Variants in OTOA observed in about 807,000 individuals in gnomAD.
OTOA encodes cancer/testis antigen 108.
OTOA carries 70 observed loss-of-function variants against 110.8 expected under a neutral mutation model. That is an observed-to-expected ratio of 0.63 (90% confidence interval 0.52 to 0.77). The LOEUF (loss-of-function observed/expected upper bound fraction) is 0.77, where lower values mean the gene tolerates loss of function less well. Among genes scored for constraint, OTOA ranks in the 30% least tolerant of loss-of-function variants. The pLI, the probability that OTOA is intolerant of heterozygous loss-of-function variation, is 0.00. For missense variants in OTOA, 917 were observed against 1,075.8 expected (o/e 0.85, Z 2.06); for synonymous variants, 373 against 431.5 (o/e 0.86, Z 1.68).
intron 18 of OTOA, 78 bp from the exon 19 acceptor site, chr16:21,726,445 G>C: frequency 6.4e-7 from 1 of 1,573,876 alleles, no homozygotes; most frequent in Non-Finnish European, 8.7e-7. Context: ...ATGAGCTCTT[G>C]GGCAGGCGGA....
chr16:21,736,345 G>A lies in OTOA; in HGVS notation c.2386G>A (p.Val796Ile), dbSNP rs1381968619. Residue 796 changes from valine (V) to isoleucine (I), a missense_variant, in exon 22 of 29, where the codon GTT becomes ATT. Coordinates refer to ENST00000646100, the MANE Select transcript of OTOA (RefSeq NM_144672.4). Reference protein sequence around the residue: ...KEFLWAVFQSVRNSSDKIPSY... With the variant: ...KEFLWAVFQSIRNSSDKIPSY... ...ATTCCTCTGGGCTGTCTTTCAGTCT[G>A]TTCGGAACAGCAGTGATAAGATCCC... The A allele has an allele frequency of 8.1e-6, 13 of 1,614,042 alleles. No homozygotes were observed. In the Admixed American group the frequency reaches 2.2e-4, roughly 27 times the overall value.
intron 1 of OTOA, among the ~76,000 whole-genome samples, chr16:21,667,957 T>C (rs909798066): frequency 6.6e-6 from 1 of 151,004 alleles, no homozygotes; most frequent in Non-Finnish European, 1.5e-5. Flanking sequence ...ATTTGGTCCG[T>C]GGGTGGTACT....
At chr16:21,667,768 A>T (rs1966843556) in intron 1 of OTOA, among the ~76,000 whole-genome samples, 1 of 152,220 alleles carries the variant, frequency 6.6e-6, no homozygotes, top group South Asian at 2.1e-4. Flanking sequence ...ACAATAGGCC[A>T]ATGAATGGGC....
rs1360934657 is a variant in OTOA, at chr16:21,693,149, A to G, written c.739+1462A>G. 2.0e-5 allele frequency among the ~76,000 whole-genome samples: 3 copies of G among 152,206 alleles called. No homozygotes were observed. In the East Asian group the frequency reaches 5.8e-4, roughly 29 times the overall value. On this transcript the variant is annotated intron_variant, in intron 9 of 28. Coordinates refer to ENST00000646100, the MANE Select transcript of OTOA (RefSeq NM_144672.4). ...TGTGGTGGCGTGCGCCTGTGGTCCC[A>G]GCTACTCAGGAGGCTGAGGTGGGAG...
chr16:21,751,326 G>C (rs1369024654), intron 24 of OTOA, among the ~76,000 whole-genome samples: 5 of 16,204 alleles, frequency 3.1e-4, no homozygotes, highest in Admixed American at 7.2e-4. Flanking sequence ...TCAGGAGTTT[G>C]ATACCAGCCT....
chr16:21,673,955 G>A (rs566885788), intron 1 of OTOA, among the ~76,000 whole-genome samples: 3 of 151,964 alleles, frequency 2.0e-5, no homozygotes, highest in Admixed American at 6.6e-5. Context: ...CCACCACCAC[G>A]CCTAGCTAAT....
chr16:21,701,053 G>A (rs553929804), intron 11 of OTOA, 26 bp downstream of exon 11: 2 of 1,613,996 alleles, frequency 1.2e-6, no homozygotes, highest in East Asian at 2.2e-5. Context: ...CTGGGCCTTG[G>A]AGCCCTTTCC....
intron 1 of OTOA, among the ~76,000 whole-genome samples, chr16:21,671,681 A>G (rs1966849378): frequency 6.6e-6 from 1 of 151,980 alleles, no homozygotes; most frequent in South Asian, 2.1e-4. Context: ...CGTGATTCAG[A>G]ACAGGTGACT....
Position 21,736,334 on chromosome 16 carries a change from T to G in OTOA, c.2375T>G (p.Val792Gly). The G allele has an allele frequency of 6.2e-7, 1 of 1,614,182 alleles. No homozygotes were observed. The highest frequency in any genetic ancestry group is 8.5e-7 in the Non-Finnish European group (1 of 1,180,022). Residue 792 changes from valine to glycine, a missense_variant, in exon 22 of 29, where the codon GTC (valine) becomes GGC (glycine). Val to Gly is a moderately radical substitution (Grantham distance 109). Around this residue, in one of 6 missense-constraint regions of OTOA, gnomAD observed 57 missense variants for 59.7 expected, o/e 0.96. Coordinates refer to ENST00000646100, the MANE Select transcript of OTOA (RefSeq NM_144672.4). ...CCCACTAAAGAATTCCTCTGGGCTGTCTTTCAGTCTGTTCGGAACAGCAGT... is the reference window on the plus strand; with the variant it reads ...CCCACTAAAGAATTCCTCTGGGCTGGCTTTCAGTCTGTTCGGAACAGCAGT... ...TLPTKEFLWA[V>G]FQSVRNSSDK...
Position 21,687,619 on chromosome 16 carries a change from G to A in OTOA, c.606G>A (p.Arg202=). Reference sequence around the variant, plus strand: ...CAGACATCACAGAGCGGCTCCCTCGGGACCTGCGCGAGGATGCCTTTAAGA... The same window carrying A: ...CAGACATCACAGAGCGGCTCCCTCGAGACCTGCGCGAGGATGCCTTTAAGA... ...LQPDITERLP[R]DLREDAFKNL... Residue 202 remains arginine, a synonymous_variant, in exon 8 of 29, where the codon CGG becomes CGA. Transcript: ENST00000646100. The A allele has an allele frequency of 6.2e-7, 1 of 1,613,640 alleles. No homozygotes were observed. Among genetic ancestry groups the A allele is most frequent in the Non-Finnish European group, 8.5e-7 (1 of 1,179,928 alleles).
intron 8 of OTOA, among the ~76,000 whole-genome samples, chr16:21,690,018 G>T (rs1025970156): frequency 6.6e-6 from 1 of 152,066 alleles, no homozygotes; most frequent in African/African-American, 2.4e-5. Context: ...GAATTGTAAG[G>T]TGTGGGAATT....
At chr16:21,750,264 T>C (rs1356496041) in intron 24 of OTOA, among the ~76,000 whole-genome samples, 2 of 143,620 alleles carry the variant, frequency 1.4e-5, no homozygotes, top group Non-Finnish European at 3.1e-5. Context: ...AATACAAAAA[T>C]CAGCCAGGCA....
At chr16:21,701,396 C>A (rs1898049997) in intron 11 of OTOA, among the ~76,000 whole-genome samples, 1 of 152,166 alleles carries the variant, frequency 6.6e-6, no homozygotes, top group Admixed American at 6.5e-5. Flanking sequence ...TTGGAAATAA[C>A]TCATGGGTCC....
At chr16:21,710,472 A>G (rs776539952) in intron 13 of OTOA, among the ~76,000 whole-genome samples, 93 of 152,092 alleles carry the variant, frequency 6.1e-4, no homozygotes, top group Non-Finnish European at 1.1e-3. Flanking sequence ...TCACCTCCCA[A>G]TGCCATCACA....
intron 12 of OTOA, 82 bp from the exon 13 acceptor site, chr16:21,709,806 G>A: frequency 1.6e-6 from 2 of 1,237,868 alleles, no homozygotes; most frequent in Non-Finnish European, 2.4e-6. Context: ...GTGCTGTGGA[G>A]TCCTAATAGC....
intron 1 of OTOA, among the ~76,000 whole-genome samples, chr16:21,671,983 C>T (rs1278416932): frequency 6.6e-6 from 1 of 152,022 alleles, no homozygotes; most frequent in Non-Finnish European, 1.5e-5. Flanking sequence ...AAAATTTTTC[C>T]ATCACTCCAA....
chr16:21,723,299 G>A (rs1898816757), intron 18 of OTOA, among the ~76,000 whole-genome samples: 2 of 152,168 alleles, frequency 1.3e-5, no homozygotes, highest in South Asian at 4.1e-4. Flanking sequence ...GTTGAGGGGA[G>A]CAGTAGGCGT....
Position 21,719,516 on chromosome 16 carries a change from G to A in OTOA, c.1806+12G>A, listed in dbSNP as rs373412875. The A allele has an allele frequency of 1.2e-6, 2 of 1,608,054 alleles. No homozygotes were observed. The highest frequency in any genetic ancestry group is 2.2e-5 in the East Asian group (1 of 44,860). ...TTTCACCCTATCAGGTACCGTTAAA[G>A]CATTTTCCAGCTTCTAATTCTCTCT... On this transcript the variant is annotated intron_variant, in intron 17 of 28. Coordinates refer to ENST00000646100, the MANE Select transcript of OTOA (RefSeq NM_144672.4).
chr16:21,737,882 G>A (rs1445037090), intron 22 of OTOA, among the ~76,000 whole-genome samples: 1 of 152,312 alleles, frequency 6.6e-6, no homozygotes. Context: ...CCAGGCATGA[G>A]GAGACAAAGT....
Sources: gnomAD v4.1 joint callset for allele counts (sites outside exome capture counted in the v4.1 genomes callset) on GRCh38, gnomAD v4.1.1 for gene constraint, gnomAD v4.1.1 regional missense constraint, MANE v1.5 for transcripts, NCBI Gene and HGNC (gene_info 2026-07-23, HGNC 2026-07-21) for gene names.